SPOPL: variants seen among roughly 807,000 people sequenced by gnomAD.
SPOPL encodes speckle-type POZ protein-like.
SPOPL carries 23 observed loss-of-function variants against 53.8 expected under a neutral mutation model. The observed-to-expected ratio is 0.43, with a 90% CI of 0.31 to 0.61. SPOPL has a LOEUF of 0.61. Ranked by LOEUF, SPOPL falls within the 20% of genes least tolerant of loss-of-function variation. The probability of loss-of-function intolerance (pLI) is 0.12; values close to 1 mark genes in which losing one functional copy is unlikely to be tolerated. For missense variants in SPOPL, 442 were observed against 466.9 expected, an observed-to-expected ratio of 0.95 and a Z score of 0.49; for synonymous variants, 164 against 149.7, an observed-to-expected ratio of 1.10 and a Z score of -0.70.
chr2:138,567,260 G>A (rs1003723237), intron 10 of SPOPL, among the ~76,000 whole-genome samples: 5 of 151,974 alleles, frequency 3.3e-5, no homozygotes, highest in Non-Finnish European at 5.9e-5. Flanking sequence ...ACTAAATGCC[G>A]GAAATATTGT....
intron 8 of SPOPL, among the ~76,000 whole-genome samples, chr2:138,561,796 G>T (rs1443092579): frequency 1.3e-5 from 2 of 152,010 alleles, no homozygotes; most frequent in Non-Finnish European, 1.5e-5. Flanking sequence ...TGAGGTTTGG[G>T]GTATGATTGA....
chr2:138,541,375 C>G (rs2104883010), intron 1 of SPOPL, among the ~76,000 whole-genome samples: 1 of 152,174 alleles, frequency 6.6e-6, no homozygotes, highest in Non-Finnish European at 1.5e-5. Flanking sequence ...TCTGGTCCTG[C>G]ACTTTTTTTG....
chr2:138,503,347 G>T (rs1684147764), intron 1 of SPOPL, among the ~76,000 whole-genome samples: 1 of 152,140 alleles, frequency 6.6e-6, no homozygotes, highest in African/African-American at 2.4e-5. Flanking sequence ...GACATCACAG[G>T]ATGGTGCTAG....
At chr2:138,516,159 TAGTG>T (rs1244335123) in intron 1 of SPOPL, among the ~76,000 whole-genome samples, 30 of 152,290 alleles carry the variant, frequency 2.0e-4, no homozygotes, top group African/African-American at 6.3e-4. Context: ...AAGAAGCAGA[TAGTG>T]GGTGGTTAGA....
intron 1 of SPOPL, among the ~76,000 whole-genome samples, chr2:138,529,650 C>T (rs1032090737): frequency 6.6e-6 from 1 of 152,106 alleles, no homozygotes; most frequent in African/African-American, 2.4e-5. Context: ...ATGTTTTCTA[C>T]TTCTAAGTCT....
At chr2:138,520,102 ATG>A (rs373989372) in intron 1 of SPOPL, among the ~76,000 whole-genome samples, 1 of 152,234 alleles carries the variant, frequency 6.6e-6, no homozygotes, top group African/African-American at 2.4e-5. Flanking sequence ...GAGTAAAAGA[ATG>A]TTACTATAGT....
rs117237276 is a variant in SPOPL, at chr2:138,568,824, G to A, written c.1035-112G>A. 5.3e-4 allele frequency: 580 copies of A among 1,093,978 alleles called. 12 individuals carry two copies. The East Asian group carries it at 0.014, about 26-fold the overall frequency. 67.8% of individuals were successfully genotyped at this position (1,093,978 alleles called of 1,614,324 possible). A position where few individuals can be genotyped will look rare whatever the true frequency, so the allele number is the denominator to read the frequency against. Reference sequence around the variant, plus strand: ...TAAAAGCAAATGATTTGAATACATAGGTAAAAAGTGTTCAAATATTTTGAA... The same window carrying A: ...TAAAAGCAAATGATTTGAATACATAAGTAAAAAGTGTTCAAATATTTTGAA... On this transcript the variant is annotated intron_variant, in intron 10 of 10. Transcript: ENST00000280098.
chr2:138,510,945 G>T (rs78604899), intron 1 of SPOPL, among the ~76,000 whole-genome samples: 1,654 of 152,208 alleles, frequency 0.011, 34 homozygotes, highest in African/African-American at 0.037. Context: ...CAACACTTAG[G>T]ATCAGTTTAA....
At chr2:138,541,476 G>A (rs923354316) in intron 1 of SPOPL, among the ~76,000 whole-genome samples, 1 of 146,538 alleles carries the variant, frequency 6.8e-6, no homozygotes, top group Admixed American at 6.7e-5. Flanking sequence ...TCTTGGGAGG[G>A]TGTATGTGTT....
At chr2:138,561,312 C>G (rs1357068902) in intron 8 of SPOPL, among the ~76,000 whole-genome samples, 1 of 152,038 alleles carries the variant, frequency 6.6e-6, no homozygotes, top group Non-Finnish European at 1.5e-5. Flanking sequence ...TTAATTCTCT[C>G]CACATAGAGA....
intron 1 of SPOPL, among the ~76,000 whole-genome samples, chr2:138,535,121 G>T (rs1163183509): frequency 6.6e-6 from 1 of 152,100 alleles, no homozygotes; most frequent in Non-Finnish European, 1.5e-5. Context: ...GCAGTGAGCT[G>T]TGATTGCATC....
chr2:138,502,089 A>C lies in SPOPL; in HGVS notation c.-91A>C, dbSNP rs1242160852. The C allele has an allele frequency of 1.3e-5, 2 of 152,402 alleles. No individual in the cohort carries two copies. The highest frequency in any genetic ancestry group is 2.9e-5 in the Non-Finnish European group (2 of 68,216). The allele number at this position is 152,402 out of a possible 1,614,324, so 9.4% of individuals were successfully genotyped here. On this transcript the variant is annotated 5_prime_UTR_variant, in exon 1 of 11. Coordinates refer to ENST00000280098, the MANE Select transcript of SPOPL (RefSeq NM_001001664.3). ...CCTCAGCGGGAGAGGAGTCTCCACC[A>C]GGACTGACCGCTGCCGCCCAGCACG...
At chr2:138,556,404 A>G (rs2104897607) in intron 5 of SPOPL, among the ~76,000 whole-genome samples, 1 of 152,356 alleles carries the variant, frequency 6.6e-6, no homozygotes, top group Admixed American at 6.5e-5. Flanking sequence ...CTGAAATTAA[A>G]TACATCATCA....
chr2:138,526,712 TA>T (rs1684683614), intron 1 of SPOPL, among the ~76,000 whole-genome samples: 1 of 149,130 alleles, frequency 6.7e-6, no homozygotes, highest in South Asian at 2.1e-4. Context: ...TCCTCATTCT[TA>T]AATAGAGTAT....
At chr2:138,510,726 A>G (rs755407361) in intron 1 of SPOPL, among the ~76,000 whole-genome samples, 4 of 152,292 alleles carry the variant, frequency 2.6e-5, no homozygotes, top group East Asian at 3.9e-4. Context: ...AAAGATTGCA[A>G]TAGTCTCAAG....
intron 1 of SPOPL, among the ~76,000 whole-genome samples, chr2:138,509,061 AAGCT>A (rs546891331): frequency 6.5e-4 from 99 of 152,274 alleles, no homozygotes; most frequent in African/African-American, 2.2e-3. Context: ...ACATAGGTAA[AAGCT>A]AGCAGATTAA....
At chr2:138,546,165 TGAA>T (rs1400667252) in intron 1 of SPOPL, among the ~76,000 whole-genome samples, 4 of 152,262 alleles carry the variant, frequency 2.6e-5, no homozygotes, top group Admixed American at 2.0e-4. Flanking sequence ...AGCATTTTGT[TGAA>T]GTAGAAAGTC....
chr2:138,539,909 AAT>A (rs1685029801), intron 1 of SPOPL, among the ~76,000 whole-genome samples: 1 of 152,084 alleles, frequency 6.6e-6, no homozygotes, highest in Non-Finnish European at 1.5e-5. Flanking sequence ...ATCCATCTTG[AAT>A]TAATTTTTGT....
intron 5 of SPOPL, among the ~76,000 whole-genome samples, chr2:138,558,577 TAAA>T (rs1685476769): frequency 6.6e-6 from 1 of 152,104 alleles, no homozygotes; most frequent in African/African-American, 2.4e-5. Context: ...TTTTATACGG[TAAA>T]AAGTCATTTT....
Sources: gnomAD v4.1 joint callset for allele counts (sites outside exome capture counted in the v4.1 genomes callset) on GRCh38, gnomAD v4.1.1 for gene constraint, MANE v1.5 for transcripts, NCBI Gene and HGNC (gene_info 2026-07-23, HGNC 2026-07-21) for gene names.